The following RIMS2 variants were observed in gnomAD, a reference collection of about 807,000 sequenced individuals.
RIMS2 encodes regulating synaptic membrane exocytosis protein 2.
Under a neutral mutation model 174.4 loss-of-function variants are expected in RIMS2, and 59 were observed. That is an observed-to-expected ratio of 0.34 (90% CI 0.27 to 0.42). The LOEUF (loss-of-function observed/expected upper bound fraction) is 0.42, where lower values mean the gene tolerates loss of function less well. RIMS2 is among the 10% of genes least tolerant of loss of function. The probability of loss-of-function intolerance (pLI) is 1.00; values close to 1 mark genes in which losing one functional copy is unlikely to be tolerated. For missense variants in RIMS2, 1,620 were observed against 1,666.3 expected (o/e 0.97, Z 0.48); for synonymous variants, 606 against 572.5 (o/e 1.06, Z -0.84).
chr8:104,094,498 G>A (rs1221125420), intron 19 of RIMS2: 1 of 682,116 alleles, frequency 1.5e-6, no homozygotes, highest in Admixed American at 2.1e-5. Context: ...ATAGAAGAGG[G>A]AGGGAAAGAA....
At chr8:103,501,181 C>A in intron 1 of RIMS2, 119 bp downstream of exon 1, 4 of 676,610 alleles carry the variant, frequency 5.9e-6, no homozygotes, top group Non-Finnish European at 8.7e-6. Context: ...GGCGCCCAGG[C>A]CACGAGGGCT....
intron 17 of RIMS2, among the ~76,000 whole-genome samples, chr8:103,992,936 G>T (rs2094823227): frequency 6.6e-6 from 1 of 152,046 alleles, no homozygotes; most frequent in African/African-American, 2.4e-5. Context: ...CAGACTATGT[G>T]GCCTTAGTAT....
intron 1 of RIMS2, among the ~76,000 whole-genome samples, chr8:103,536,704 A>T (rs1007046446): frequency 1.3e-5 from 2 of 152,172 alleles, no homozygotes; most frequent in African/African-American, 4.8e-5. Context: ...CTCACTAACC[A>T]TCATGAGAAC....
intron 19 of RIMS2, among the ~76,000 whole-genome samples, chr8:104,131,260 A>C (rs77522830): frequency 0.02 from 3,005 of 152,248 alleles, 136 homozygotes; most frequent in East Asian, 0.15. Context: ...TATTACTATA[A>C]ATAATGATTG....
At chr8:103,686,059 C>T (rs2096936788) in intron 1 of RIMS2, among the ~76,000 whole-genome samples, 1 of 152,010 alleles carries the variant, frequency 6.6e-6, no homozygotes, top group Non-Finnish European at 1.5e-5. Context: ...AGAGTTATAC[C>T]TGAATCTTTT....
chr8:103,895,202 T>C (rs1438384623), intron 4 of RIMS2, among the ~76,000 whole-genome samples: 1 of 150,214 alleles, frequency 6.7e-6, no homozygotes, highest in East Asian at 1.9e-4. Flanking sequence ...TTTGAACATA[T>C]TTTTAATAGC....
chr8:104,144,041 C>A (rs1235120637), intron 19 of RIMS2, among the ~76,000 whole-genome samples: 1 of 152,138 alleles, frequency 6.6e-6, no homozygotes, highest in Non-Finnish European at 1.5e-5. Context: ...TTAATCACAT[C>A]TTCCAATAAT....
intron 3 of RIMS2, among the ~76,000 whole-genome samples, chr8:103,839,112 T>C (rs1436586751): frequency 6.6e-6 from 1 of 152,196 alleles, no homozygotes; most frequent in Non-Finnish European, 1.5e-5. Flanking sequence ...TCAGTTTTCC[T>C]ACTTTATCCA....
intron 2 of RIMS2, among the ~76,000 whole-genome samples, chr8:103,734,716 T>C (rs942542641): frequency 6.6e-6 from 1 of 152,128 alleles, no homozygotes; most frequent in African/African-American, 2.4e-5. Context: ...GTGCAAAGTC[T>C]AGCATGTCTG....
intron 19 of RIMS2, among the ~76,000 whole-genome samples, chr8:104,067,977 G>T (rs2097134096): frequency 6.6e-6 from 1 of 152,056 alleles, no homozygotes; most frequent in South Asian, 2.1e-4. Flanking sequence ...CCTCTTTGTT[G>T]ATCCTAGTTC....
chr8:103,567,085 T>C (rs1399677091), intron 1 of RIMS2, among the ~76,000 whole-genome samples: 1 of 152,220 alleles, frequency 6.6e-6, no homozygotes, highest in African/African-American at 2.4e-5. Context: ...CCATACAGTA[T>C]GTTGTCTTTT....
intron 15 of RIMS2, among the ~76,000 whole-genome samples, chr8:103,964,477 G>C (rs548764612): frequency 6.6e-6 from 1 of 152,170 alleles, no homozygotes; most frequent in African/African-American, 2.4e-5. Context: ...TGATGTGTCT[G>C]CTCAGGTCTT....
chr8:104,103,491 A>G (rs1431319830), intron 19 of RIMS2, among the ~76,000 whole-genome samples: 2 of 152,192 alleles, frequency 1.3e-5, no homozygotes, highest in Admixed American at 1.3e-4. Flanking sequence ...TAGAGGTGAT[A>G]ATATGCAAAC....
intron 19 of RIMS2, among the ~76,000 whole-genome samples, chr8:104,124,750 T>C (rs1282341897): frequency 6.6e-6 from 1 of 152,124 alleles, no homozygotes; most frequent in Non-Finnish European, 1.5e-5. Context: ...CCAGATGCCT[T>C]GGAGAATGTC....
intron 19 of RIMS2, among the ~76,000 whole-genome samples, chr8:104,021,514 A>G (rs2096088187): frequency 6.6e-6 from 1 of 152,196 alleles, no homozygotes; most frequent in African/African-American, 2.4e-5. Flanking sequence ...ATATTCAACA[A>G]GTTTTGAGAA....
intron 3 of RIMS2, among the ~76,000 whole-genome samples, chr8:103,793,938 TAAAC>T (rs2098526234): frequency 6.6e-6 from 1 of 151,826 alleles, no homozygotes; most frequent in Non-Finnish European, 1.5e-5. Context: ...AAAGAGGACA[TAAAC>T]AAATGAAAGA....
chr8:103,698,651 TG>T (rs2097134216), intron 2 of RIMS2, among the ~76,000 whole-genome samples: 1 of 152,260 alleles, frequency 6.6e-6, no homozygotes, highest in Admixed American at 6.5e-5. Context: ...ATCATTTTTT[TG>T]GGGGATGAGT....
At chr8:103,666,673 G>A (rs73697612) in intron 1 of RIMS2, among the ~76,000 whole-genome samples, 9,081 of 152,132 alleles carry the variant, frequency 0.06, 906 homozygotes, top group African/African-American at 0.2. Flanking sequence ...GTTGCATTTA[G>A]CATGAGTGAC....
chr8:103,659,563 C>G (rs964348554), intron 1 of RIMS2, among the ~76,000 whole-genome samples: 10 of 152,222 alleles, frequency 6.6e-5, no homozygotes, highest in Non-Finnish European at 1.5e-4. Context: ...CCCCTAGACT[C>G]TTCACTGCCT....
Sources: gnomAD v4.1 joint callset for allele counts (sites outside exome capture counted in the v4.1 genomes callset) on GRCh38, gnomAD v4.1.1 for gene constraint, MANE v1.5 for transcripts, NCBI Gene and HGNC (gene_info 2026-07-23, HGNC 2026-07-21) for gene names.